The following CELF2 variants were observed in gnomAD, a reference collection of about 807,000 sequenced individuals.
CELF2 encodes CUG triplet repeat RNA-binding protein 2.
CELF2 carries 8 observed loss-of-function variants against 62.6 expected under a neutral mutation model. That is an observed-to-expected ratio of 0.13 (90% confidence interval 0.07 to 0.23). The LOEUF is 0.23. Among genes scored for constraint, CELF2 ranks in the 10% least tolerant of loss-of-function variants. CELF2 has a pLI of 1.00. For missense variants in CELF2, 333 were observed against 671.0 expected, an observed-to-expected ratio of 0.50 and a Z score of 5.56; for synonymous variants, 258 against 250.0, an observed-to-expected ratio of 1.03 and a Z score of -0.30.
the CELF2 span, among the ~76,000 whole-genome samples, chr10:10,468,680 G>A: frequency 1.3e-5 from 2 of 152,046 alleles, no homozygotes; most frequent in South Asian, 4.1e-4. Context: ...CAAGAAAAAT[G>A]TTTTCTTCAC....
intron 8 of CELF2, among the ~76,000 whole-genome samples, chr10:11,283,461 G>A (rs563661287): frequency 6.6e-6 from 1 of 152,322 alleles, no homozygotes; most frequent in East Asian, 1.9e-4. Flanking sequence ...TGGATGATGG[G>A]TAGATAGATG....
At chr10:10,989,163 T>A (rs540708591) in intron 2 of CELF2, among the ~76,000 whole-genome samples, 62 of 152,304 alleles carry the variant, frequency 4.1e-4, no homozygotes, top group African/African-American at 1.4e-3. Context: ...GAGCTAGTAT[T>A]CTAAATACAT....
At chr10:10,701,547 A>T in the CELF2 span, among the ~76,000 whole-genome samples, 2 of 152,166 alleles carry the variant, frequency 1.3e-5, no homozygotes. Flanking sequence ...TTATCCAAAT[A>T]CCCGGGGCTC....
chr10:10,753,110 A>T, the CELF2 span, among the ~76,000 whole-genome samples: 2 of 152,224 alleles, frequency 1.3e-5, no homozygotes, highest in African/African-American at 4.8e-5. Flanking sequence ...TGCATTAAAT[A>T]TTAAAAAGGT....
chr10:11,096,690 C>T (rs2049975928), intron 1 of CELF2, among the ~76,000 whole-genome samples: 1 of 152,048 alleles, frequency 6.6e-6, no homozygotes, highest in African/African-American at 2.4e-5. Flanking sequence ...AAAACCAAAC[C>T]AAACAAAAAC....
chr10:11,267,419 C>G lies in CELF2; in HGVS notation c.618+742C>G, dbSNP rs1469836072. Among the ~76,000 whole-genome samples, 1 of 152,094 alleles carries G rather than the reference C, an allele frequency of 6.6e-6. No individual in the cohort carries two copies. The highest frequency in any genetic ancestry group is 1.5e-5 in the Non-Finnish European group (1 of 68,022). On this transcript the variant is annotated intron_variant, in intron 6 of 12. Coordinates refer to ENST00000633077, the MANE Select transcript of CELF2 (RefSeq NM_001326342.2). This position sits in a 1 kb window ranked among gnomAD's most constrained non-coding sequence, Gnocchi z 4.4. ...TGGGTCATGGCCTTTCAGAATTTTGCACAAAAGCATTCCAAGAGTGATATG... is the reference window on the plus strand; with the variant it reads ...TGGGTCATGGCCTTTCAGAATTTTGGACAAAAGCATTCCAAGAGTGATATG...
At chr10:11,234,607 G>C (rs12256282) in intron 3 of CELF2, among the ~76,000 whole-genome samples, 2 of 124,494 alleles carry the variant, frequency 1.6e-5, no homozygotes, top group African/African-American at 5.6e-5. Context: ...GCGTGAACCC[G>C]GGGGGCGGAG....
chr10:10,759,755 C>G, the CELF2 span, among the ~76,000 whole-genome samples: 1 of 152,132 alleles, frequency 6.6e-6, no homozygotes, highest in African/African-American at 2.4e-5. Context: ...ATCTTCCTCT[C>G]CCTGCCAGAA....
At chr10:10,910,697 C>T (rs1288931484) in intron 1 of CELF2, among the ~76,000 whole-genome samples, 1 of 28,668 alleles carries the variant, frequency 3.5e-5, no homozygotes, top group African/African-American at 1.8e-4. Flanking sequence ...GAGACTCTGC[C>T]TCAAAAAAAA....
chr10:10,602,560 G>A, the CELF2 span, among the ~76,000 whole-genome samples: 2 of 152,030 alleles, frequency 1.3e-5, no homozygotes, highest in East Asian at 1.9e-4. Flanking sequence ...TTCATTTCAC[G>A]GATACTCACT....
intron 1 of CELF2, among the ~76,000 whole-genome samples, chr10:11,076,885 A>G (rs1397101319): frequency 6.6e-6 from 1 of 152,198 alleles, no homozygotes; most frequent in Non-Finnish European, 1.5e-5. Context: ...TGTCTTGCAG[A>G]TCTAACTTGG....
At chr10:10,482,941 G>C in the CELF2 span, among the ~76,000 whole-genome samples, 1 of 152,146 alleles carries the variant, frequency 6.6e-6, no homozygotes, top group Admixed American at 6.5e-5. Flanking sequence ...AACCTGCTCA[G>C]CTGCTTCACC....
intron 1 of CELF2, among the ~76,000 whole-genome samples, chr10:10,875,536 T>C (rs2061028288): frequency 6.6e-6 from 1 of 152,226 alleles, no homozygotes; most frequent in Non-Finnish European, 1.5e-5. Flanking sequence ...CATCATTCAC[T>C]GTGATGGGCT....
intron 1 of CELF2, among the ~76,000 whole-genome samples, chr10:10,849,106 G>GT (rs1224874193): frequency 6.6e-6 from 1 of 151,998 alleles, no homozygotes; most frequent in South Asian, 2.1e-4. Flanking sequence ...TAGAAAAACT[G>GT]TAAGAACAGG....
At chr10:11,284,089 A>T (rs200930041) in intron 8 of CELF2, among the ~76,000 whole-genome samples, 1 of 14,876 alleles carries the variant, frequency 6.7e-5, no homozygotes, top group Non-Finnish European at 1.5e-4. Context: ...TGGATGGAGG[A>T]GTGGGTGGAT....
In CELF2 at chr10:10,957,647, C is replaced by G. The variant is rs933434179; in HGVS notation, c.89+37648C>G. On this transcript the variant is annotated intron_variant, in intron 2 of 13. Coordinates refer to the CELF2 transcript ENST00000636488. The surrounding 1 kb of genome is among the most constrained non-coding windows in gnomAD (Gnocchi z 4.1). ...CACGTTCAGGATCACTTCTGTGCTC[C>G]CGATGTAGTAAAATGACTCATAATT... Among the ~76,000 whole-genome samples, 2 of 152,128 alleles carry G rather than the reference C, an allele frequency of 1.3e-5. No homozygotes were observed. The highest frequency in any genetic ancestry group is 4.8e-5 in the African/African-American group (2 of 41,416).
chr10:11,096,827 C>T (rs1038775251), intron 1 of CELF2, among the ~76,000 whole-genome samples: 5 of 152,214 alleles, frequency 3.3e-5, no homozygotes, highest in East Asian at 3.8e-4. Context: ...AGGTTACTTT[C>T]AAATCACTGT....
chr10:11,104,731 G>T (rs777409873), intron 1 of CELF2, among the ~76,000 whole-genome samples: 12 of 152,128 alleles, frequency 7.9e-5, no homozygotes, highest in Non-Finnish European at 1.3e-4. Flanking sequence ...TTCACTAAAT[G>T]CACTAAGGTA....
the CELF2 span, among the ~76,000 whole-genome samples, chr10:10,504,874 C>T: frequency 6.6e-6 from 1 of 152,048 alleles, no homozygotes; most frequent in East Asian, 1.9e-4. Context: ...TCTGAAATTA[C>T]CATTTGCTTC....
Sources: gnomAD v4.1 joint callset for allele counts (sites outside exome capture counted in the v4.1 genomes callset) on GRCh38, gnomAD v4.1.1 for gene constraint, Gnocchi (gnomAD v3.1) non-coding constraint, MANE v1.5 for transcripts, NCBI Gene and HGNC (gene_info 2026-07-23, HGNC 2026-07-21) for gene names.